The following CLHC1 variants were observed in gnomAD, a reference collection of about 807,000 sequenced individuals.
The protein encoded by CLHC1 is clathrin heavy chain linker domain-containing protein 1.
A neutral mutation model predicts 69.5 loss-of-function variants in CLHC1; 72 were observed. The observed-to-expected ratio is 1.04, with a 90% CI of 0.86 to 1.26. The LOEUF (loss-of-function observed/expected upper bound fraction) is 1.26. Among genes scored for constraint, CLHC1 ranks in the 50% most tolerant of loss-of-function variants. CLHC1 has a pLI of 0.00. For synonymous variants in CLHC1, 223 were observed against 224.3 expected, an observed-to-expected ratio of 0.99 and a Z score of 0.05; for missense variants, 790 against 679.3, an observed-to-expected ratio of 1.16 and a Z score of -1.81.
intron 2 of CLHC1, among the ~76,000 whole-genome samples, chr2:55,223,834 C>A (rs1404328997): frequency 6.6e-6 from 1 of 151,962 alleles, no homozygotes; most frequent in Non-Finnish European, 1.5e-5. Flanking sequence ...CTCGCTCTGC[C>A]GCCCAGGCTG....
chr2:55,192,269 A>G (rs1260655081), intron 9 of CLHC1, among the ~76,000 whole-genome samples: 3 of 151,830 alleles, frequency 2.0e-5, no homozygotes, highest in African/African-American at 7.3e-5. Flanking sequence ...ACAGGCACTC[A>G]CCACCATGCC....
At position 55,222,112 on chromosome 2, in the gene CLHC1, C is replaced by T. The variant is rs73936961; in HGVS notation, c.177+123G>A. The T allele has an allele frequency of 9.0e-3, 6,333 of 701,612 alleles. 227 individuals carry two copies. The African/African-American group carries it at 0.09, about 10-fold the overall frequency. The allele number at this position is 701,612 out of a possible 1,614,324, so 43.5% of individuals were successfully genotyped here. A position where few individuals can be genotyped will look rare whatever the true frequency, so the allele number is the denominator to read the frequency against. On this transcript the variant is annotated intron_variant, in intron 3 of 12. Transcript: ENST00000401408. ...TTTCTGAGAAATTGGATGAACTTCT[C>T]AAAATCAGCAAATGGAATGTTATCA...
In CLHC1 at chr2:55,230,124, T is replaced by C. The variant is rs138419426; in HGVS notation, c.-255-1920A>G. ...TTGTTGCTCTGTGGAAAACAGATTA[T>C]AGGACGCAAGGGTCAAAGCTGGAAG... On this transcript the variant is annotated intron_variant, in intron 1 of 12. Coordinates refer to ENST00000401408, the MANE Select transcript of CLHC1 (RefSeq NM_152385.4). Among the ~76,000 whole-genome samples the C allele has an allele frequency of 2.0e-4, 31 of 152,338 alleles. No homozygotes were observed. In the East Asian group the frequency reaches 4.8e-3, roughly 24 times the overall value.
chr2:55,206,472 T>C, intron 8 of CLHC1, 96 bp from the exon 9 acceptor site: 1 of 698,552 alleles, frequency 1.4e-6, no homozygotes, highest in Non-Finnish European at 2.5e-6. Context: ...TATAGCGGCA[T>C]AACGATATGG....
At chr2:55,229,586 G>C (rs1169404378) in intron 1 of CLHC1, among the ~76,000 whole-genome samples, 2 of 152,238 alleles carry the variant, frequency 1.3e-5, no homozygotes, top group African/African-American at 4.8e-5. Context: ...GGGTACCTTT[G>C]TGCGGTTTAG....
chr2:55,202,266 A>AC (rs908969243), intron 9 of CLHC1, among the ~76,000 whole-genome samples: 1 of 151,656 alleles, frequency 6.6e-6, no homozygotes, highest in African/African-American at 2.4e-5. Context: ...AAAAAAAAAA[A>AC]AAAACCTAGC....
intron 9 of CLHC1, among the ~76,000 whole-genome samples, chr2:55,190,234 A>G (rs370385932): frequency 2.0e-5 from 3 of 151,746 alleles, no homozygotes; most frequent in African/African-American, 4.8e-5. Flanking sequence ...TTTTTAGTAG[A>G]GACGTGGTTT....
intron 3 of CLHC1, among the ~76,000 whole-genome samples, chr2:55,220,274 T>C (rs1673985081): frequency 6.6e-6 from 1 of 152,198 alleles, no homozygotes; most frequent in African/African-American, 2.4e-5. Flanking sequence ...TTTTATCTTC[T>C]GCCCAACTAG....
intron 9 of CLHC1, among the ~76,000 whole-genome samples, chr2:55,194,858 T>C (rs1025848702): frequency 1.3e-5 from 2 of 152,196 alleles, no homozygotes; most frequent in Non-Finnish European, 2.9e-5. Flanking sequence ...TACCTCTGTG[T>C]GTGTGTGTGT....
In CLHC1 at chr2:55,205,800, C is replaced by T. The variant is rs187264776; in HGVS notation, c.1006+470G>A. On this transcript the variant is annotated intron_variant, in intron 9 of 12. Transcript: ENST00000401408. ...ATCCCAGCTACTCGGGAGGCTGAAA[C>T]GGGAGAATCGTTTGAACCTGGGAGG... 5.0e-4 allele frequency: 77 copies of T among 152,646 alleles called. 1 individual carries two copies. The highest frequency in any genetic ancestry group is 3.9e-4 in the East Asian group (2 of 5,188). 9.5% of individuals were successfully genotyped at this position (152,646 alleles called of 1,614,324 possible).
intron 4 of CLHC1, among the ~76,000 whole-genome samples, chr2:55,217,543 AAAAAAAAAAATATATATAT>A (rs1189516782): frequency 1.2e-5 from 1 of 84,910 alleles, no homozygotes; most frequent in African/African-American, 5.9e-5. Flanking sequence ...AAAAAAAAAA[AAAAAAAAAAATATATATAT>A]ATATATATAT....
intron 4 of CLHC1, among the ~76,000 whole-genome samples, chr2:55,213,778 T>C (rs559034383): frequency 6.6e-6 from 1 of 152,294 alleles, no homozygotes; most frequent in South Asian, 2.1e-4. Context: ...AGGAAGACTT[T>C]TTTCAAGAGG....
At chr2:55,204,354 T>A (rs972261419) in intron 9 of CLHC1, among the ~76,000 whole-genome samples, 1 of 152,150 alleles carries the variant, frequency 6.6e-6, no homozygotes, top group Non-Finnish European at 1.5e-5. Flanking sequence ...ACCAGGCATA[T>A]GAAAATGTGC....
intron 9 of CLHC1, among the ~76,000 whole-genome samples, chr2:55,188,681 C>A (rs1670643659): frequency 6.6e-6 from 1 of 151,614 alleles, no homozygotes; most frequent in African/African-American, 2.4e-5. Context: ...AAACTAGAAA[C>A]CACCTACATG....
chr2:55,204,959 G>T (rs1478056731), intron 9 of CLHC1, among the ~76,000 whole-genome samples: 1 of 152,070 alleles, frequency 6.6e-6, no homozygotes, highest in African/African-American at 2.4e-5. Flanking sequence ...GGGTGGGGGA[G>T]TTGGGCTGTT....
rs1218593764 is a variant in CLHC1 at position 55,186,944 on chromosome 2, AATAG to A, written c.1007-5204_1007-5201del. On this transcript the variant is annotated intron_variant, in intron 9 of 12. Coordinates refer to ENST00000401408, the MANE Select transcript of CLHC1 (RefSeq NM_152385.4). ...GTGGAGAAAGTACAGACTTTACATA[AATAG>A]TACTAGAACAGAGAAACTATATATT... Among the ~76,000 whole-genome samples the A allele has an allele frequency of 5.9e-5, 9 of 152,074 alleles. No individual in the cohort carries two copies. In the South Asian group the frequency reaches 6.2e-4, roughly 11 times the overall value.
chr2:55,208,807 A>T, intron 7 of CLHC1, 97 bp from the exon 8 acceptor site: 1 of 717,658 alleles, frequency 1.4e-6, no homozygotes, highest in Non-Finnish European at 2.4e-6. Context: ...GCTTATTGCT[A>T]TGGCTCCTAA....
rs1033558041 is a variant in CLHC1 at position 55,217,225 on chromosome 2, T to C, written c.365+586A>G. Among the ~76,000 whole-genome samples, 5 of 150,926 alleles carry C rather than the reference T, an allele frequency of 3.3e-5. No individual in the cohort carries two copies. In the South Asian group the frequency reaches 8.4e-4, roughly 25 times the overall value. On this transcript the variant is annotated intron_variant, in intron 4 of 12. Transcript: ENST00000401408. ...ACAAAAAGACTATAACTGCCCACTC[T>C]TGCCTTTTTGGCCAGCACAGTGGTT... is the stretch of plus-strand genomic sequence containing the variant.
intron 5 of CLHC1, among the ~76,000 whole-genome samples, chr2:55,210,341 G>A (rs1448562816): frequency 2.0e-5 from 3 of 151,830 alleles, no homozygotes; most frequent in East Asian, 1.9e-4. Flanking sequence ...GACTATAGGC[G>A]CCTGCCACCA....
Sources: allele counts gnomAD v4.1 joint callset (sites outside exome capture counted in the v4.1 genomes callset), GRCh38; gene constraint gnomAD v4.1.1; transcripts MANE v1.5; gene names NCBI Gene and HGNC (gene_info 2026-07-23, HGNC 2026-07-21).